Variants in ANKHD1 observed in about 807,000 individuals in gnomAD.
ANKHD1 encodes ankyrin repeat and KH domain-containing protein 1.
ANKHD1 carries 31 observed loss-of-function variants against 230.5 expected under a neutral mutation model. The observed-to-expected ratio is 0.13, with a 90% CI of 0.10 to 0.18. The LOEUF is 0.18. Ranked by LOEUF, ANKHD1 falls within the 10% of genes least tolerant of loss-of-function variation. The probability of loss-of-function intolerance (pLI) is 1.00; values close to 1 mark genes in which losing one functional copy is unlikely to be tolerated. For missense variants in ANKHD1, 2,256 were observed against 3,071.3 expected (o/e 0.73, Z 6.27); for synonymous variants, 1,074 against 1,117.6 (o/e 0.96, Z 0.78).
intron 22 of ANKHD1, among the ~76,000 whole-genome samples, chr5:140,511,738 TA>T (rs1176586494): frequency 6.6e-6 from 1 of 152,202 alleles, no homozygotes; most frequent in Non-Finnish European, 1.5e-5. Flanking sequence ...TTAGTTTTGA[TA>T]AACGTATACA....
At position 140,468,411 on chromosome 5, in the gene ANKHD1, A is replaced by G. The variant is rs114960947; in HGVS notation, c.1782+3635A>G. Reference sequence around the variant, plus strand: ...TGAACTATATTGGGCATTTTCCAAAAATAGTTGAGCAATTGGAAACTAGGT... The same window carrying G: ...TGAACTATATTGGGCATTTTCCAAAGATAGTTGAGCAATTGGAAACTAGGT... On this transcript the variant is annotated intron_variant, in intron 10 of 33. Transcript: ENST00000360839. 8.3e-3 allele frequency among the ~76,000 whole-genome samples: 1,257 copies of G among 152,292 alleles called. 11 individuals are homozygous for G. The highest frequency in any genetic ancestry group is 0.021 in the South Asian group (101 of 4,826).
chr5:140,443,408 A>T (rs1359737833), intron 5 of ANKHD1, among the ~76,000 whole-genome samples: 3 of 151,900 alleles, frequency 2.0e-5, no homozygotes, highest in South Asian at 4.1e-4. Context: ...CCCAAAAAAA[A>T]GGCCGGGCGT....
intron 14 of ANKHD1, among the ~76,000 whole-genome samples, chr5:140,489,734 C>T (rs1751685104): frequency 6.6e-6 from 1 of 152,064 alleles, no homozygotes; most frequent in South Asian, 2.1e-4. Context: ...ATAGTATAAA[C>T]ATGGACTACC....
chr5:140,522,043 A>T (rs1420522178), intron 24 of ANKHD1, among the ~76,000 whole-genome samples: 2 of 152,228 alleles, frequency 1.3e-5, no homozygotes, highest in Non-Finnish European at 2.9e-5. Context: ...TTGTACATTT[A>T]TCAGCACAAT....
At chr5:140,519,583 T>C (rs1753221111) in intron 24 of ANKHD1, among the ~76,000 whole-genome samples, 1 of 152,104 alleles carries the variant, frequency 6.6e-6, no homozygotes, top group South Asian at 2.1e-4. Flanking sequence ...AACAGAGATA[T>C]AGATCAATGG....
intron 10 of ANKHD1, among the ~76,000 whole-genome samples, chr5:140,468,438 A>G (rs1168101484): frequency 6.6e-6 from 1 of 152,136 alleles, no homozygotes; most frequent in East Asian, 1.9e-4. Flanking sequence ...AAACTAGGTA[A>G]TTTAGACATG....
chr5:140,484,646 C>T (rs1158282668), intron 11 of ANKHD1: 2 of 152,432 alleles, frequency 1.3e-5, no homozygotes, highest in African/African-American at 4.8e-5. Context: ...TTGATGCTTA[C>T]ATTAACCTGT....
intron 14 of ANKHD1, among the ~76,000 whole-genome samples, chr5:140,491,056 T>C (rs1340346340): frequency 6.9e-6 from 1 of 145,614 alleles, no homozygotes; most frequent in African/African-American, 2.5e-5. Context: ...TTATAAAATA[T>C]TTATTTTTTA....
At chr5:140,425,248 T>C (rs891524467) in intron 1 of ANKHD1, among the ~76,000 whole-genome samples, 1 of 152,132 alleles carries the variant, frequency 6.6e-6, no homozygotes, top group Non-Finnish European at 1.5e-5. Context: ...ACCCAAGATA[T>C]GATTTCTGTT....
chr5:140,529,907 C>T (rs1581379549), intron 29 of ANKHD1, 111 bp downstream of exon 29: 1 of 1,431,700 alleles, frequency 7.0e-7, no homozygotes, highest in East Asian at 2.4e-5. Context: ...TAATGAGCTG[C>T]TTTAGATTCT....
chr5:140,509,295 A>T (rs1172890313), intron 20 of ANKHD1, among the ~76,000 whole-genome samples: 2 of 152,260 alleles, frequency 1.3e-5, no homozygotes, highest in African/African-American at 2.4e-5. Context: ...AAAAATTTAT[A>T]AAGTGATTTT....
At chr5:140,471,383 A>G (rs1187631997) in intron 10 of ANKHD1, among the ~76,000 whole-genome samples, 2 of 152,122 alleles carry the variant, frequency 1.3e-5, no homozygotes, top group African/African-American at 4.8e-5. Flanking sequence ...TGTGCTTATT[A>G]TTCGTATTTT....
At chr5:140,451,973 A>G (rs939145809) in intron 7 of ANKHD1, among the ~76,000 whole-genome samples, 1 of 152,228 alleles carries the variant, frequency 6.6e-6, no homozygotes, top group Non-Finnish European at 1.5e-5. Flanking sequence ...CAAGATGGCC[A>G]AATAGGAACA....
chr5:140,509,583 G>T, intron 20 of ANKHD1, 54 bp from the exon 21 acceptor site: 1 of 1,451,352 alleles, frequency 6.9e-7, no homozygotes, highest in South Asian at 1.7e-5. Flanking sequence ...TTGGTCTACG[G>T]AATAGTTAAA....
At chr5:140,475,469 T>TA (rs1179169998) in intron 10 of ANKHD1, among the ~76,000 whole-genome samples, 3 of 151,776 alleles carry the variant, frequency 2.0e-5, no homozygotes, top group Non-Finnish European at 2.9e-5. Flanking sequence ...CCAAAATGGA[T>TA]AAAAAAATAT....
At chr5:140,482,975 C>T (rs1021216003) in intron 11 of ANKHD1, among the ~76,000 whole-genome samples, 7 of 152,148 alleles carry the variant, frequency 4.6e-5, no homozygotes, top group African/African-American at 1.2e-4. Flanking sequence ...TGAGTCTATT[C>T]TGCTGGAGAT....
intron 29 of ANKHD1, among the ~76,000 whole-genome samples, chr5:140,533,530 C>T (rs1753931785): frequency 2.6e-5 from 4 of 151,976 alleles, no homozygotes; most frequent in South Asian, 4.2e-4. Context: ...ACCCGGGAGG[C>T]GGAGCTTGCA....
chr5:140,509,705 T>C lies in ANKHD1; in HGVS notation c.3834T>C (p.Asp1278=), dbSNP rs1442665290. ...GYAEVGRVLL[D]KGADVNAPPV... ...CAGAGGTTGGAAGAGTTCTTCTTGA[T>C]AAAGGAGCAGATGTTAATGCTCCCC... The change falls in exon 21 of 34, where the codon GAT becomes GAC. Residue 1278 remains aspartate, a synonymous_variant. Transcript: ENST00000360839. The C allele has an allele frequency of 6.2e-7, 1 of 1,613,400 alleles. No individual in the cohort carries two copies. The highest frequency in any genetic ancestry group is 8.5e-7 in the Non-Finnish European group (1 of 1,179,764).
rs979299615 is a variant in ANKHD1 at position 140,505,577 on chromosome 5, T to C, written c.3263-147T>C. On this transcript the variant is annotated intron_variant, in intron 17 of 33. Transcript: ENST00000360839. ...TATGGGTTTTTTGTCACTAACAAAT[T>C]AGGGTTTAGAGCAGTTTTATGTTAA... 4.0e-6 allele frequency: 5 copies of C among 1,238,158 alleles called. No homozygotes were observed. The African/African-American group carries it at 7.7e-5, about 19-fold the overall frequency. 76.7% of individuals were successfully genotyped at this position (1,238,158 alleles called of 1,614,324 possible).
Sources: gnomAD v4.1 joint callset for allele counts (sites outside exome capture counted in the v4.1 genomes callset) on GRCh38, gnomAD v4.1.1 for gene constraint, MANE v1.5 for transcripts, NCBI Gene and HGNC (gene_info 2026-07-23, HGNC 2026-07-21) for gene names.